Variants in SPRED2 observed in about 807,000 individuals in gnomAD.
The protein encoded by SPRED2 is sprouty-related, EVH1 domain-containing protein 2.
In SPRED2, 47 loss-of-function variants were observed where a neutral mutation model predicts 43.0. That is an observed-to-expected ratio of 1.09 (90% CI 0.87 to 1.40). The LOEUF is 1.40. SPRED2 is among the 40% of genes most tolerant of loss of function. The pLI is 0.00. For missense variants in SPRED2, 561 were observed against 586.4 expected (o/e 0.96, Z 0.45); for synonymous variants, 225 against 225.7 (o/e 1.00, Z 0.03).
rs1674291602 is a variant in SPRED2 at position 65,344,718 on chromosome 2, C to T, written c.204+1G>A. On this transcript the variant is annotated splice_donor_variant, in intron 2 of 5. Coordinates refer to ENST00000356388, the MANE Select transcript of SPRED2 (RefSeq NM_181784.3). LOFTEE classifies it high-confidence loss of function. ...CCCACGAGTTGTATGTCTGCCATTACCAGTTTGTCTTTCTGTCGTTCACCA... is the reference window on the plus strand; with the variant it reads ...CCCACGAGTTGTATGTCTGCCATTATCAGTTTGTCTTTCTGTCGTTCACCA... The T allele has an allele frequency of 6.2e-7, 1 of 1,613,796 alleles. No individual in the cohort carries two copies. Among genetic ancestry groups the T allele is most frequent in the Non-Finnish European group, 8.5e-7 (1 of 1,179,736 alleles).
At chr2:65,309,505 CAAAAA>C (rs35507211), downstream of SPRED2, among the ~76,000 whole-genome samples, 5 of 59,998 alleles carry the variant, frequency 8.3e-5, no homozygotes, top group African/African-American at 2.8e-4. Flanking sequence ...GACCCTGTCT[CAAAAA>C]AAAAAAAAAA....
At chr2:65,382,984 G>T (rs1161849714) in intron 1 of SPRED2, among the ~76,000 whole-genome samples, 4 of 152,168 alleles carry the variant, frequency 2.6e-5, no homozygotes, top group Non-Finnish European at 1.5e-5. Context: ...ACCTCGGAAG[G>T]CCTCAGTAAA....
chr2:65,327,765 C>T (rs562135613), intron 4 of SPRED2, among the ~76,000 whole-genome samples: 144 of 140,202 alleles, frequency 1.0e-3, no homozygotes, highest in Non-Finnish European at 1.6e-3. Context: ...GCTCTGTCGC[C>T]CAGGCTGGAG....
rs965805818 is a variant in SPRED2, at chr2:65,431,819, C to T, written c.26+143G>A. 5.0e-6 allele frequency: 5 copies of T among 997,994 alleles called. No homozygotes were observed. In the Admixed American group the frequency reaches 5.7e-5, roughly 11 times the overall value. The allele number at this position is 997,994 out of a possible 1,614,324, so 61.8% of individuals were successfully genotyped here. A position where few individuals can be genotyped will look rare whatever the true frequency, so the allele number is the denominator to read the frequency against. On this transcript the variant is annotated intron_variant, in intron 1 of 5. Coordinates refer to ENST00000356388, the MANE Select transcript of SPRED2 (RefSeq NM_181784.3). ...TCCTCACTTCAACAAGCAGGGAAGC[C>T]TCGCGTCCCAACGCCGAAAGGTCAG...
intron 1 of SPRED2, among the ~76,000 whole-genome samples, chr2:65,380,150 C>G (rs1006774938): frequency 7.2e-5 from 11 of 152,166 alleles, no homozygotes; most frequent in Non-Finnish European, 1.6e-4. Context: ...GCAAGTCAAC[C>G]TAAGTCAAAA....
intron 4 of SPRED2, among the ~76,000 whole-genome samples, chr2:65,329,597 A>T (rs1326658736): frequency 3.9e-5 from 6 of 152,190 alleles, no homozygotes; most frequent in Non-Finnish European, 8.8e-5. Flanking sequence ...TCCCCCGTGG[A>T]TTAAAGGACA....
chr2:65,379,766 G>A (rs548896194), intron 1 of SPRED2, among the ~76,000 whole-genome samples: 3 of 152,256 alleles, frequency 2.0e-5, no homozygotes, highest in South Asian at 2.1e-4. Flanking sequence ...TTTCTCCACA[G>A]CAAAGTCCTC....
intron 1 of SPRED2, among the ~76,000 whole-genome samples, chr2:65,362,203 T>A (rs569881502): frequency 6.6e-6 from 1 of 152,284 alleles, no homozygotes; most frequent in Non-Finnish European, 1.5e-5. Context: ...CCAAAAGCTC[T>A]AAGAGGGCTG....
intron 1 of SPRED2, among the ~76,000 whole-genome samples, chr2:65,347,672 A>G (rs762219038): frequency 1.1e-4 from 16 of 152,082 alleles, no homozygotes; most frequent in Non-Finnish European, 2.2e-4. Flanking sequence ...TCTACATACC[A>G]ACAGTGCCCA....
chr2:65,366,221 T>C (rs2104329635), intron 1 of SPRED2, among the ~76,000 whole-genome samples: 1 of 152,262 alleles, frequency 6.6e-6, no homozygotes, highest in East Asian at 1.9e-4. Context: ...GTTTTAAAGC[T>C]CTACACTACC....
intron 1 of SPRED2, among the ~76,000 whole-genome samples, chr2:65,382,294 A>C (rs531949289): frequency 1.3e-5 from 2 of 152,162 alleles, no homozygotes; most frequent in African/African-American, 4.8e-5. Flanking sequence ...TGGTCCAGGA[A>C]GAAGGCTACG....
intron 1 of SPRED2, among the ~76,000 whole-genome samples, chr2:65,368,654 T>G (rs141966100): frequency 6.6e-6 from 1 of 152,060 alleles, no homozygotes; most frequent in Non-Finnish European, 1.5e-5. Context: ...TGGTAACAAA[T>G]GGGGAAATGA....
chr2:65,329,406 T>C (rs1216460650), intron 4 of SPRED2, among the ~76,000 whole-genome samples: 2 of 152,172 alleles, frequency 1.3e-5, no homozygotes, highest in Non-Finnish European at 2.9e-5. Flanking sequence ...CTATTGTTAA[T>C]AGGTCCTTGT....
chr2:65,376,972 C>A (rs866781597), intron 1 of SPRED2, among the ~76,000 whole-genome samples: 1 of 152,142 alleles, frequency 6.6e-6, no homozygotes, highest in Non-Finnish European at 1.5e-5. Context: ...CCTCGGCCTC[C>A]CAAAGTGCTG....
At chr2:65,394,307 G>C (rs957180729) in intron 1 of SPRED2, among the ~76,000 whole-genome samples, 1 of 152,164 alleles carries the variant, frequency 6.6e-6, no homozygotes, top group Non-Finnish European at 1.5e-5. Context: ...AAATTCTCAG[G>C]TGCCTGGCAA....
intron 1 of SPRED2, among the ~76,000 whole-genome samples, chr2:65,431,579 A>G (rs958555949): frequency 6.6e-6 from 1 of 152,286 alleles, no homozygotes; most frequent in Non-Finnish European, 1.5e-5. Context: ...TCACAAAGTC[A>G]CTGTGCAAAA....
intron 5 of SPRED2, 85 bp from the exon 6 acceptor site, chr2:65,314,254 A>G: frequency 7.5e-7 from 1 of 1,340,278 alleles, no homozygotes; most frequent in Non-Finnish European, 1.0e-6. Flanking sequence ...CTCCCTCCCT[A>G]GCCGTCCAAA....
In SPRED2 at chr2:65,311,991, G is replaced by A. The variant is rs983564816; in HGVS notation, c.*1510C>T. ...GCCGCTACCACAGAAAGATCGTGGC[G>A]GGAAGAACAGCCGGCGTCCGCAAGC... On this transcript the variant is annotated 3_prime_UTR_variant, in exon 6 of 6. Transcript: ENST00000356388. The A allele has an allele frequency of 9.1e-6, 9 of 985,204 alleles. No homozygotes were observed. The highest frequency in any genetic ancestry group is 2.3e-4 in the East Asian group (2 of 8,820). The allele number at this position is 985,204 out of a possible 1,614,324, so 61.0% of individuals were successfully genotyped here. A position where few individuals can be genotyped will look rare whatever the true frequency, so the allele number is the denominator to read the frequency against.
intron 1 of SPRED2, among the ~76,000 whole-genome samples, chr2:65,400,978 G>GT (rs984921767): frequency 3.3e-5 from 5 of 151,752 alleles, no homozygotes; most frequent in African/African-American, 9.7e-5. Context: ...ATTTTTATTA[G>GT]TTTTTTTGAG....
Sources: allele counts gnomAD v4.1 joint callset (sites outside exome capture counted in the v4.1 genomes callset), GRCh38; gene constraint gnomAD v4.1.1; transcripts MANE v1.5; gene names NCBI Gene and HGNC (gene_info 2026-07-23, HGNC 2026-07-21).